The following CCDC138 variants were observed in gnomAD, a reference collection of about 807,000 sequenced individuals.
CCDC138 encodes the protein coiled-coil domain containing 138.
In CCDC138, 66 loss-of-function variants were observed where a neutral mutation model predicts 82.3. That is an observed-to-expected ratio of 0.80 (90% CI 0.66 to 0.98). The LOEUF (loss-of-function observed/expected upper bound fraction) is 0.98. CCDC138 is among the 50% of genes least tolerant of loss of function. The pLI, the probability that CCDC138 is intolerant of heterozygous loss-of-function variation, is 0.00. For synonymous variants in CCDC138, 297 were observed against 265.4 expected, an observed-to-expected ratio of 1.12 and a Z score of -1.16; for missense variants, 816 against 758.9, an observed-to-expected ratio of 1.08 and a Z score of -0.88.
chr2:108,865,686 C>T (rs1257595208), intron 13 of CCDC138, among the ~76,000 whole-genome samples: 2 of 152,162 alleles, frequency 1.3e-5, no homozygotes, highest in Admixed American at 6.5e-5. Flanking sequence ...ACCATGGAGA[C>T]TGAAGCCATT....
chr2:108,853,622 G>C (rs1361080072), intron 12 of CCDC138, among the ~76,000 whole-genome samples: 1 of 150,194 alleles, frequency 6.7e-6, no homozygotes, highest in Non-Finnish European at 1.5e-5. Context: ...GAACTCCTGG[G>C]CTCAAGCAGT....
At chr2:108,880,335 T>TG (rs1377565340), downstream of CCDC138, among the ~76,000 whole-genome samples, 3 of 152,230 alleles carry the variant, frequency 2.0e-5, no homozygotes, top group African/African-American at 7.2e-5. Context: ...TTAAGATGTC[T>TG]GTTCTTCCCA....
chr2:108,862,352 A>C (rs1693771635), intron 13 of CCDC138, among the ~76,000 whole-genome samples: 1 of 152,156 alleles, frequency 6.6e-6, no homozygotes, highest in African/African-American at 2.4e-5. Flanking sequence ...TAGGGAATGC[A>C]GAGCTTCCTC....
At chr2:108,827,416 A>G (rs1263660941) in intron 10 of CCDC138, among the ~76,000 whole-genome samples, 1 of 152,272 alleles carries the variant, frequency 6.6e-6, no homozygotes, top group African/African-American at 2.4e-5. Flanking sequence ...AATTTTATTT[A>G]ATGATATGAA....
At chr2:108,792,107 G>T (rs905176802) in intron 4 of CCDC138, among the ~76,000 whole-genome samples, 1 of 152,172 alleles carries the variant, frequency 6.6e-6, no homozygotes, top group Non-Finnish European at 1.5e-5. Flanking sequence ...CAGATTATTT[G>T]AAGTATGGAT....
At chr2:108,827,483 A>G (rs7564164) in intron 10 of CCDC138, among the ~76,000 whole-genome samples, 97,467 of 152,118 alleles carry the variant, frequency 0.64, 34,387 homozygotes, top group East Asian at 0.89. Context: ...ATTTATTATG[A>G]CATCAGTTCT....
intron 10 of CCDC138, among the ~76,000 whole-genome samples, chr2:108,822,894 T>C (rs532394944): frequency 6.6e-6 from 1 of 151,998 alleles, no homozygotes; most frequent in East Asian, 1.9e-4. Flanking sequence ...ATCAACAAAA[T>C]TGACAAACCG....
In CCDC138 at chr2:108,796,489, C is replaced by T. The variant is rs373441219; in HGVS notation, c.576+1768C>T. Among the ~76,000 whole-genome samples the T allele has an allele frequency of 3.3e-5, 5 of 152,196 alleles. No individual in the cohort carries two copies. The East Asian group carries it at 5.8e-4, about 18-fold the overall frequency. Reference sequence around the variant, plus strand: ...GCAATCCCACTCCTGGGTATATCCCCGAAAAAAGAAAACGGCGTATCGAAG... The same window carrying T: ...GCAATCCCACTCCTGGGTATATCCCTGAAAAAAGAAAACGGCGTATCGAAG... On this transcript the variant is annotated intron_variant, in intron 5 of 14. Transcript: ENST00000295124.
intron 12 of CCDC138, among the ~76,000 whole-genome samples, chr2:108,848,294 T>C (rs1335909799): frequency 6.6e-6 from 1 of 152,174 alleles, no homozygotes; most frequent in Admixed American, 6.5e-5. Context: ...AGAAGGGAAT[T>C]AGGTGCTCTC....
intron 10 of CCDC138, among the ~76,000 whole-genome samples, chr2:108,836,964 A>G (rs2150377605): frequency 6.6e-6 from 1 of 151,706 alleles, no homozygotes; most frequent in African/African-American, 2.4e-5. Context: ...TAATTGTGGA[A>G]TCTTTAGGAC....
chr2:108,819,634 T>C (rs1467631741), intron 10 of CCDC138, among the ~76,000 whole-genome samples: 1 of 152,326 alleles, frequency 6.6e-6, no homozygotes, highest in Non-Finnish European at 1.5e-5. Context: ...AGAAGACACA[T>C]GTCTCAGAAG....
chr2:108,866,563 A>T (rs1052562828), intron 13 of CCDC138, among the ~76,000 whole-genome samples: 4 of 152,200 alleles, frequency 2.6e-5, no homozygotes, highest in African/African-American at 9.7e-5. Flanking sequence ...TTTACAGTGC[A>T]GTTATCCTCA....
At chr2:108,806,855 G>A (rs1204261570) in intron 7 of CCDC138, among the ~76,000 whole-genome samples, 1 of 152,194 alleles carries the variant, frequency 6.6e-6, no homozygotes, top group Non-Finnish European at 1.5e-5. Flanking sequence ...GAGGAGGCAA[G>A]GATTAATGTT....
At chr2:108,820,969 A>G (rs898989071) in intron 10 of CCDC138, among the ~76,000 whole-genome samples, 7 of 152,226 alleles carry the variant, frequency 4.6e-5, no homozygotes, top group Admixed American at 4.6e-4. Context: ...TAATCCTGGT[A>G]TGTAAGTTGA....
At chr2:108,839,024 C>T (rs1306702166) in intron 10 of CCDC138, 161 bp from the exon 11 acceptor site, 2 of 283,628 alleles carry the variant, frequency 7.1e-6, no homozygotes, top group Non-Finnish European at 1.1e-5. Context: ...ATACATATTG[C>T]CAAATTGTAT....
intron 10 of CCDC138, among the ~76,000 whole-genome samples, chr2:108,828,358 C>A (rs900137542): frequency 6.6e-6 from 1 of 151,994 alleles, no homozygotes; most frequent in Non-Finnish European, 1.5e-5. Context: ...TACTACTTAT[C>A]CTAAAATTGA....
At chr2:108,800,608 C>CTTTTTTT (rs67529329) in intron 6 of CCDC138, among the ~76,000 whole-genome samples, 3 of 33,488 alleles carry the variant, frequency 9.0e-5, no homozygotes, top group Non-Finnish European at 1.4e-4. Flanking sequence ...CTCAGTTTAG[C>CTTTTTTT]TTTTTTTTTT....
At chr2:108,846,411 T>C (rs1690482327) in intron 11 of CCDC138, among the ~76,000 whole-genome samples, 2 of 152,064 alleles carry the variant, frequency 1.3e-5, no homozygotes, top group African/African-American at 4.8e-5. Context: ...GCACAGTGGC[T>C]CATGATCCTG....
At chr2:108,793,456 C>T (rs985690102) in intron 4 of CCDC138, among the ~76,000 whole-genome samples, 1 of 152,170 alleles carries the variant, frequency 6.6e-6, no homozygotes, top group Non-Finnish European at 1.5e-5. Flanking sequence ...AGGAACTCAC[C>T]TACTGCTGTT....
Sources: allele counts gnomAD v4.1 joint callset (sites outside exome capture counted in the v4.1 genomes callset), GRCh38; gene constraint gnomAD v4.1.1; transcripts MANE v1.5; gene names NCBI Gene and HGNC (gene_info 2026-07-23, HGNC 2026-07-21).